HMCN1: variants seen among roughly 807,000 people sequenced by gnomAD.
HMCN1 encodes hemicentin-1.
A neutral mutation model predicts 625.9 loss-of-function variants in HMCN1; 321 were observed. That is an observed-to-expected ratio of 0.51 (90% CI 0.47 to 0.56). HMCN1 has a LOEUF of 0.56. Ranked by LOEUF, HMCN1 falls within the 20% of genes least tolerant of loss-of-function variation. The pLI is 0.00. For synonymous variants in HMCN1, 2,425 were observed against 2,417.6 expected, an observed-to-expected ratio of 1.00 and a Z score of -0.09; for missense variants, 6,588 against 6,887.3, an observed-to-expected ratio of 0.96 and a Z score of 1.54.
At chr1:186,082,711 T>G (rs1378656918) in intron 56 of HMCN1, among the ~76,000 whole-genome samples, 154 bp from the exon 57 acceptor site, 1 of 152,146 alleles carries the variant, frequency 6.6e-6, no homozygotes, top group East Asian at 1.9e-4. Context: ...TTGATTTACC[T>G]AATAAAAGCT....
rs567332071 is a variant in HMCN1, at chr1:186,062,698, T to C, written c.7513+98T>C. On this transcript the variant is annotated intron_variant, in intron 48 of 106. Transcript: ENST00000271588. ...AAAAATTTTTTATATATTTAGGGGG[T>C]ACAAGTGCGGTTTTGTTACATGGAT... 3 of 779,352 alleles carry C rather than the reference T, an allele frequency of 3.8e-6. No individual in the cohort carries two copies. In the East Asian group the frequency reaches 8.0e-5, roughly 21 times the overall value. The allele number at this position is 779,352 out of a possible 1,614,324, so 48.3% of individuals were successfully genotyped here. A position where few individuals can be genotyped will look rare whatever the true frequency, so the allele number is the denominator to read the frequency against.
intron 100 of HMCN1, 86 bp from the exon 101 acceptor site, chr1:186,171,251 T>C (rs1652213780): frequency 8.3e-6 from 8 of 959,178 alleles, no homozygotes; most frequent in Non-Finnish European, 1.4e-5. Context: ...AACATGGTAA[T>C]GATCAAGATC....
At chr1:185,767,675 A>G (rs1220649254) in intron 1 of HMCN1, among the ~76,000 whole-genome samples, 1 of 152,210 alleles carries the variant, frequency 6.6e-6, no homozygotes, top group African/African-American at 2.4e-5. Context: ...AATGTTGGTT[A>G]TGTAATATCC....
chr1:186,053,138 T>A, intron 43 of HMCN1, 64 bp downstream of exon 43: 1 of 1,447,612 alleles, frequency 6.9e-7, no homozygotes, highest in Non-Finnish European at 9.7e-7. Context: ...TGATTTCGTT[T>A]AATAAATGTG....
chr1:185,869,205 T>C (rs1305231642), intron 4 of HMCN1, among the ~76,000 whole-genome samples: 1 of 152,178 alleles, frequency 6.6e-6, no homozygotes, highest in Non-Finnish European at 1.5e-5. Flanking sequence ...CCAATTTGAG[T>C]TGAGTATTCA....
At chr1:185,934,167 CA>C in intron 11 of HMCN1, among the ~76,000 whole-genome samples, 1 of 151,968 alleles carries the variant, frequency 6.6e-6, no homozygotes, top group East Asian at 1.9e-4. Flanking sequence ...AATAATTGGT[CA>C]AAAAACAATT....
At chr1:185,781,239 T>G (rs1215776205) in intron 1 of HMCN1, among the ~76,000 whole-genome samples, 1 of 152,172 alleles carries the variant, frequency 6.6e-6, no homozygotes, top group African/African-American at 2.4e-5. Context: ...TCTTCTCTCT[T>G]TTCTTCTTTA....
chr1:186,113,001 G>T, intron 72 of HMCN1, 48 bp downstream of exon 72: 1 of 1,601,656 alleles, frequency 6.2e-7, no homozygotes, highest in East Asian at 2.2e-5. Flanking sequence ...CTGACCAAGG[G>T]CATTCAAAGA....
intron 49 of HMCN1, among the ~76,000 whole-genome samples, chr1:186,067,596 C>G (rs1658207276): frequency 6.6e-6 from 1 of 152,096 alleles, no homozygotes; most frequent in Admixed American, 6.6e-5. Context: ...CATTATTGCC[C>G]TTACTACATT....
intron 1 of HMCN1, among the ~76,000 whole-genome samples, chr1:185,829,148 A>C (rs1303971151): frequency 6.6e-6 from 1 of 152,182 alleles, no homozygotes; most frequent in Admixed American, 6.5e-5. Context: ...AAGGTGAACA[A>C]TTTGAAAAAT....
rs1204397588 is a variant in HMCN1 at position 186,019,572 on chromosome 1, TGA to T, written c.5508_5509del (p.Arg1836SerfsTer28). ...CAACAATCAAGTCCTCAGGCCTTTC[TGA>T]GAGAGTTGTGGTAAAATACAAGCCT... Reference protein sequence around the residue: ...PPTIKSSGLSERVVVKYKPVA... With the variant: ...PPTIKSSGLSXRVVVKYKPVA... On this transcript the variant is annotated frameshift_variant, in exon 35 of 107. Transcript: ENST00000271588. LOFTEE classifies it high-confidence loss of function. 7 of 1,611,062 alleles carry T rather than the reference TGA, an allele frequency of 4.3e-6. No homozygotes were observed. The highest frequency in any genetic ancestry group is 5.9e-6 in the Non-Finnish European group (7 of 1,177,496).
Position 186,114,070 on chromosome 1 carries a change from T to G in HMCN1, c.11223T>G (p.Thr3741=). The change falls in exon 73 of 107, where the codon ACT becomes ACG. Residue 3741 remains threonine (T), a synonymous_variant. Transcript: ENST00000271588. The part of the protein sequence containing the change: ...VLECIAEGVP[T]PRITWRKDGA... The stretch of plus-strand genomic sequence containing the variant: ...AATGCATCGCTGAAGGTGTGCCAAC[T>G]CCAAGGATAACATGGAGAAAGGATG... The G allele has an allele frequency of 6.2e-7, 1 of 1,614,114 alleles. No homozygotes were observed. Among genetic ancestry groups the G allele is most frequent in the Non-Finnish European group, 8.5e-7 (1 of 1,179,976 alleles).
chr1:186,136,595 G>T, intron 86 of HMCN1, 73 bp from the exon 87 acceptor site: 2 of 1,361,168 alleles, frequency 1.5e-6, no homozygotes, highest in South Asian at 2.4e-5. Context: ...AAATAATGTC[G>T]CCATATAATA....
At chr1:186,037,402 A>C (rs1421151330) in intron 36 of HMCN1, among the ~76,000 whole-genome samples, 5 of 152,194 alleles carry the variant, frequency 3.3e-5, no homozygotes, top group African/African-American at 1.2e-4. Flanking sequence ...TAAAGTTGAA[A>C]ACGTACTTTT....
At chr1:185,851,753 T>C (rs1190951591) in intron 2 of HMCN1, among the ~76,000 whole-genome samples, 1 of 152,056 alleles carries the variant, frequency 6.6e-6, no homozygotes, top group East Asian at 1.9e-4. Flanking sequence ...TTTATCCAAA[T>C]GTTTTAAAGA....
intron 71 of HMCN1, among the ~76,000 whole-genome samples, chr1:186,110,974 A>ATTATTTTTTTTTTTTTTTTTTTTTTTTT: frequency 1.7e-5 from 1 of 59,952 alleles, no homozygotes; most frequent in African/African-American, 1.5e-4. Flanking sequence ...ACCAGAGAAA[A>ATTATTTTTTTTTTTTTTTTTTTTTTTTT]TTCTTTTTTT....
intron 2 of HMCN1, among the ~76,000 whole-genome samples, chr1:185,863,550 G>T (rs1663001745): frequency 6.6e-6 from 1 of 151,996 alleles, no homozygotes; most frequent in Non-Finnish European, 1.5e-5. Context: ...TCAAACCTGT[G>T]GTTTTAAACA....
In HMCN1 at chr1:186,081,371, C is replaced by A. The variant is rs200871004; in HGVS notation, c.8764C>A (p.Leu2922Ile). 1.6e-4 allele frequency: 265 copies of A among 1,613,332 alleles called. 1 individual carries two copies. Among genetic ancestry groups the A allele is most frequent in the South Asian group, 5.7e-4 (52 of 91,048 alleles). Residue 2922 changes from leucine to isoleucine, a missense_variant, in exon 56 of 107, where the codon CTA becomes ATA. Leu to Ile is a conservative substitution (Grantham distance 5). Coordinates refer to ENST00000271588, the MANE Select transcript of HMCN1 (RefSeq NM_031935.3). ...PLLEDDHHKF[L>I]SNGRILQILN... ...GCTAGAAGATGACCATCATAAATTT[C>A]TATCTAATGGACGAATTCTGCAGGT...
chr1:185,937,623 T>C (rs779137277), intron 11 of HMCN1, among the ~76,000 whole-genome samples: 8 of 152,152 alleles, frequency 5.3e-5, no homozygotes, highest in Non-Finnish European at 1.2e-4. Context: ...GGCTCACGCC[T>C]GTAATCCCAG....
Sources: gnomAD v4.1 joint callset for allele counts (sites outside exome capture counted in the v4.1 genomes callset) on GRCh38, gnomAD v4.1.1 for gene constraint, MANE v1.5 for transcripts, NCBI Gene and HGNC (gene_info 2026-07-23, HGNC 2026-07-21) for gene names.